The following AGMO variants were observed in gnomAD, a reference collection of about 807,000 sequenced individuals.
AGMO encodes the protein glyceryl-ether monooxygenase.
A neutral mutation model predicts 60.2 loss-of-function variants in AGMO; 75 were observed. The observed-to-expected ratio is 1.25, with a 90% CI of 1.03 to 1.51. The LOEUF (loss-of-function observed/expected upper bound fraction) is 1.51, where lower values mean the gene tolerates loss of function less well. Ranked by LOEUF, AGMO falls within the 40% of genes most tolerant of loss-of-function variation. AGMO has a pLI of 0.00. For missense variants in AGMO, 763 were observed against 525.5 expected, an observed-to-expected ratio of 1.45 and a Z score of -4.42; for synonymous variants, 261 against 177.1, an observed-to-expected ratio of 1.47 and a Z score of -3.76.
In AGMO at chr7:15,545,761, T is replaced by G. The variant is rs867550684; in HGVS notation, c.258-838A>C. 1.4e-4 allele frequency among the ~76,000 whole-genome samples: 21 copies of G among 152,052 alleles called. No individual in the cohort carries two copies. The Middle Eastern group carries it at 9.6e-3, about 69-fold the overall frequency. The stretch of plus-strand genomic sequence containing the variant: ...TGTACTTCAATTTTAGAAAGTATAT[T>G]ATTCTTTCTTTCAAGTTTTATATGA... On this transcript the variant is annotated intron_variant, in intron 2 of 12. Transcript: ENST00000342526.
chr7:15,256,366 G>A (rs1783097746), intron 12 of AGMO, among the ~76,000 whole-genome samples: 1 of 151,846 alleles, frequency 6.6e-6, no homozygotes, highest in South Asian at 2.1e-4. Flanking sequence ...TTTTTGAGAC[G>A]GAGTCTCGCT....
chr7:15,394,868 A>G (rs934396951), intron 5 of AGMO, among the ~76,000 whole-genome samples: 2 of 152,166 alleles, frequency 1.3e-5, no homozygotes, highest in African/African-American at 2.4e-5. Flanking sequence ...TTCGAAGTCA[A>G]ATATATAAAA....
intron 6 of AGMO, among the ~76,000 whole-genome samples, 156 bp downstream of exon 6, chr7:15,393,957 G>A (rs1174902611): frequency 6.7e-6 from 1 of 148,880 alleles, no homozygotes; most frequent in Admixed American, 6.7e-5. Flanking sequence ...TGGAGATGAG[G>A]CTTGTACCAA....
chr7:15,357,112 GAAAAA>G (rs1315267852), intron 12 of AGMO, among the ~76,000 whole-genome samples: 3 of 133,420 alleles, frequency 2.2e-5, no homozygotes, highest in South Asian at 2.4e-4. Context: ...TCTGTCTCAT[GAAAAA>G]AAAAAAGAAA....
intron 12 of AGMO, among the ~76,000 whole-genome samples, chr7:15,323,294 G>C (rs955793077): frequency 6.6e-6 from 1 of 151,924 alleles, no homozygotes; most frequent in African/African-American, 2.4e-5. Context: ...AATTCTGACT[G>C]TTTAACTTTT....
intron 12 of AGMO, among the ~76,000 whole-genome samples, chr7:15,295,888 T>C (rs1784391507): frequency 6.6e-6 from 1 of 152,134 alleles, no homozygotes; most frequent in African/African-American, 2.4e-5. Flanking sequence ...TCCACCAATA[T>C]TTACACAGAG....
intron 12 of AGMO, among the ~76,000 whole-genome samples, chr7:15,257,672 T>C (rs1783136978): frequency 6.6e-6 from 1 of 152,172 alleles, no homozygotes; most frequent in Non-Finnish European, 1.5e-5. Flanking sequence ...ATATTACTTA[T>C]CAACATAATT....
At chr7:15,407,806 TGA>T (rs907205861) in intron 5 of AGMO, among the ~76,000 whole-genome samples, 3 of 151,808 alleles carry the variant, frequency 2.0e-5, no homozygotes, top group Non-Finnish European at 2.9e-5. Flanking sequence ...CAGAGAATAA[TGA>T]GAGAGAGAGT....
chr7:15,446,512 T>C (rs983136611), intron 3 of AGMO, among the ~76,000 whole-genome samples: 5 of 152,216 alleles, frequency 3.3e-5, no homozygotes, highest in Non-Finnish European at 5.9e-5. Flanking sequence ...CCAAATTGCA[T>C]TCTTCTGTAA....
At chr7:15,343,740 A>G (rs534313420) in intron 12 of AGMO, among the ~76,000 whole-genome samples, 1 of 152,254 alleles carries the variant, frequency 6.6e-6, no homozygotes, top group South Asian at 2.1e-4. Context: ...ACAAGCCTCT[A>G]ATAAAATTGT....
chr7:15,314,898 T>C (rs1780870384), intron 12 of AGMO, among the ~76,000 whole-genome samples: 1 of 152,054 alleles, frequency 6.6e-6, no homozygotes, highest in Admixed American at 6.6e-5. Flanking sequence ...TAAGGGAAAA[T>C]CAGAGAGATT....
intron 3 of AGMO, among the ~76,000 whole-genome samples, chr7:15,504,371 T>G (rs1204620934): frequency 6.6e-6 from 1 of 152,016 alleles, no homozygotes; most frequent in African/African-American, 2.4e-5. Context: ...TGGCCTTCTC[T>G]GATGGTTTCT....
At chr7:15,239,896 G>A (rs1782539092) in intron 12 of AGMO, among the ~76,000 whole-genome samples, 1 of 152,150 alleles carries the variant, frequency 6.6e-6, no homozygotes, top group Non-Finnish European at 1.5e-5. Flanking sequence ...TCTAGGACAT[G>A]TAAGGACACG....
chr7:15,520,106 A>G (rs1783939360), intron 3 of AGMO, among the ~76,000 whole-genome samples: 1 of 152,182 alleles, frequency 6.6e-6, no homozygotes, highest in South Asian at 2.1e-4. Flanking sequence ...AAAGAAGGGC[A>G]TCATATAATG....
chr7:15,453,200 T>C (rs1004282157), intron 3 of AGMO, among the ~76,000 whole-genome samples: 2 of 152,146 alleles, frequency 1.3e-5, no homozygotes, highest in Admixed American at 6.5e-5. Flanking sequence ...TGGCACAGTT[T>C]AAGAAGGCAA....
intron 12 of AGMO, among the ~76,000 whole-genome samples, chr7:15,309,468 G>A (rs1780704310): frequency 6.6e-6 from 1 of 152,072 alleles, no homozygotes; most frequent in Non-Finnish European, 1.5e-5. Flanking sequence ...GAAGTCCAGT[G>A]CCCTATTGAA....
In AGMO at chr7:15,433,973, T is replaced by C. The variant is rs143380060; in HGVS notation, c.410-2865A>G. On this transcript the variant is annotated intron_variant, in intron 3 of 12. Transcript: ENST00000342526. ...TTCAATTTTTTTATGAAGATGTAAC[T>C]TACATACAACAAAATCCATCTTCTT... Among the ~76,000 whole-genome samples, 330 of 152,176 alleles carry C rather than the reference T, an allele frequency of 2.2e-3. 4 individuals carry two copies. The highest frequency in any genetic ancestry group is 5.8e-3 in the South Asian group (28 of 4,818).
At chr7:15,526,993 C>T (rs1017526875) in intron 3 of AGMO, among the ~76,000 whole-genome samples, 1 of 152,152 alleles carries the variant, frequency 6.6e-6, no homozygotes, top group African/African-American at 2.4e-5. Flanking sequence ...GAGTACTCCA[C>T]TTACCTGCAG....
chr7:15,479,479 C>A (rs1342532928), intron 3 of AGMO, among the ~76,000 whole-genome samples: 1 of 152,184 alleles, frequency 6.6e-6, no homozygotes, highest in Non-Finnish European at 1.5e-5. Flanking sequence ...AGCCAATGTT[C>A]TTTTCACTAT....
Sources: gnomAD v4.1 joint callset for allele counts (sites outside exome capture counted in the v4.1 genomes callset) on GRCh38, gnomAD v4.1.1 for gene constraint, MANE v1.5 for transcripts, NCBI Gene and HGNC (gene_info 2026-07-23, HGNC 2026-07-21) for gene names.